Variants in CTNNA2 observed in about 807,000 individuals in gnomAD.
The protein encoded by CTNNA2 is catenin alpha 2.
In CTNNA2, 42 loss-of-function variants were observed where a neutral mutation model predicts 101.0. That is an observed-to-expected ratio of 0.42 (90% CI 0.32 to 0.54). CTNNA2 has a LOEUF of 0.54. Among genes scored for constraint, CTNNA2 ranks in the 20% least tolerant of loss-of-function variants. CTNNA2 has a pLI of 0.14. For missense variants in CTNNA2, 871 were observed against 1,223.1 expected, an observed-to-expected ratio of 0.71 and a Z score of 4.29; for synonymous variants, 450 against 456.4, an observed-to-expected ratio of 0.99 and a Z score of 0.18.
At chr2:79,352,544 T>G (rs1048521434) in intron 3 of CTNNA2, among the ~76,000 whole-genome samples, 1 of 152,190 alleles carries the variant, frequency 6.6e-6, no homozygotes, top group African/African-American at 2.4e-5. Context: ...AACTTTTGTT[T>G]GCATTGTTCT....
intron 2 of CTNNA2, among the ~76,000 whole-genome samples, chr2:79,706,362 C>CAAAA (rs34157774): frequency 3.8e-5 from 3 of 78,004 alleles, no homozygotes; most frequent in Admixed American, 1.5e-4. Context: ...GACTCCGTCT[C>CAAAA]AAAAAAAAAA....
chr2:79,518,096 G>A (rs1303512775), intron 1 of CTNNA2, among the ~76,000 whole-genome samples: 3 of 152,152 alleles, frequency 2.0e-5, no homozygotes, highest in African/African-American at 7.2e-5. Context: ...CTATGTTTTA[G>A]TTGCTTTAAA....
chr2:80,551,179 A>T (rs1312369237), intron 11 of CTNNA2, among the ~76,000 whole-genome samples: 1 of 152,202 alleles, frequency 6.6e-6, no homozygotes, highest in African/African-American at 2.4e-5. Context: ...TTTATTCTGA[A>T]CAGTAGGTTT....
At chr2:79,221,851 T>G (rs1261841518) in intron 2 of CTNNA2, among the ~76,000 whole-genome samples, 1 of 152,178 alleles carries the variant, frequency 6.6e-6, no homozygotes, top group Non-Finnish European at 1.5e-5. Context: ...TGAGAACCTC[T>G]CTACCACCAG....
chr2:79,237,864 C>A (rs115339495), intron 2 of CTNNA2, among the ~76,000 whole-genome samples: 1 of 152,108 alleles, frequency 6.6e-6, no homozygotes, highest in Non-Finnish European at 1.5e-5. Context: ...CTTTGGTTTA[C>A]GGGAATGTTG....
intron 3 of CTNNA2, among the ~76,000 whole-genome samples, chr2:79,346,597 G>A (rs1010896077): frequency 2.6e-5 from 4 of 152,102 alleles, no homozygotes; most frequent in African/African-American, 7.2e-5. Flanking sequence ...CACATCTGTA[G>A]GTCTTCAGCC....
chr2:79,644,202 T>C (rs1425128037), intron 1 of CTNNA2, among the ~76,000 whole-genome samples: 3 of 152,038 alleles, frequency 2.0e-5, no homozygotes, highest in Admixed American at 6.6e-5. Flanking sequence ...CACACCTAGC[T>C]AATTTTTTTG....
chr2:79,867,477 T>G (rs142491995), intron 4 of CTNNA2, among the ~76,000 whole-genome samples: 1 of 152,120 alleles, frequency 6.6e-6, no homozygotes, highest in African/African-American at 2.4e-5. Flanking sequence ...TTCCATTTCC[T>G]TTATTTCTGT....
chr2:80,623,694 G>A (rs1171037788), intron 18 of CTNNA2, among the ~76,000 whole-genome samples: 1 of 151,836 alleles, frequency 6.6e-6, no homozygotes, highest in Non-Finnish European at 1.5e-5. Flanking sequence ...AAAACTTCTT[G>A]AATCAGGAAT....
intron 7 of CTNNA2, among the ~76,000 whole-genome samples, chr2:80,308,592 T>G (rs1206507560): frequency 1.3e-5 from 2 of 152,168 alleles, no homozygotes; most frequent in African/African-American, 4.8e-5. Flanking sequence ...GCCCCAAGGC[T>G]GCTCTCAGGA....
chr2:80,008,134 G>A (rs1693507061), intron 7 of CTNNA2, among the ~76,000 whole-genome samples: 3 of 152,180 alleles, frequency 2.0e-5, no homozygotes. Flanking sequence ...AGGAACAGAT[G>A]GAAAATCTGA....
At chr2:80,293,193 G>C (rs1313079070) in intron 7 of CTNNA2, among the ~76,000 whole-genome samples, 1 of 152,192 alleles carries the variant, frequency 6.6e-6, no homozygotes, top group African/African-American at 2.4e-5. Context: ...GCCTTGGCCA[G>C]CTGAAGACAG....
intron 7 of CTNNA2, among the ~76,000 whole-genome samples, chr2:80,121,604 G>A (rs1573143575): frequency 1.3e-5 from 2 of 152,176 alleles, no homozygotes; most frequent in African/African-American, 2.4e-5. Context: ...AGGAGCTGAT[G>A]TTCAGTGGAG....
chr2:79,798,557 A>T (rs887656474), intron 3 of CTNNA2, among the ~76,000 whole-genome samples: 7 of 137,946 alleles, frequency 5.1e-5, no homozygotes, highest in Non-Finnish European at 9.0e-5. Flanking sequence ...TTATATAATA[A>T]GACTTTTTTT....
At chr2:80,359,606 T>G (rs1327210795) in intron 7 of CTNNA2, among the ~76,000 whole-genome samples, 1 of 152,154 alleles carries the variant, frequency 6.6e-6, no homozygotes, top group African/African-American at 2.4e-5. Flanking sequence ...ATGTGCCTGC[T>G]TCCCCTTCAC....
intron 2 of CTNNA2, among the ~76,000 whole-genome samples, chr2:79,223,372 G>C (rs549256265): frequency 1.3e-5 from 2 of 152,262 alleles, no homozygotes; most frequent in African/African-American, 2.4e-5. Context: ...ATGTTACTTT[G>C]TTATGACATC....
intron 2 of CTNNA2, among the ~76,000 whole-genome samples, chr2:79,262,812 A>C (rs1269952682): frequency 6.6e-6 from 1 of 152,152 alleles, no homozygotes; most frequent in Non-Finnish European, 1.5e-5. Context: ...TCAGCAGGTA[A>C]ATTTAATTTA....
chr2:79,698,238 A>C (rs1684768339), intron 2 of CTNNA2, among the ~76,000 whole-genome samples: 3 of 152,022 alleles, frequency 2.0e-5, no homozygotes, highest in Admixed American at 2.0e-4. Flanking sequence ...AGTACGTTTA[A>C]GTTCTTAATA....
At chr2:79,257,765 A>C (rs2104282076) in intron 2 of CTNNA2, among the ~76,000 whole-genome samples, 1 of 151,930 alleles carries the variant, frequency 6.6e-6, no homozygotes, top group South Asian at 2.1e-4. Flanking sequence ...TGGCTGTTCA[A>C]GTTTCCCAGG....
Sources: allele counts gnomAD v4.1 joint callset (sites outside exome capture counted in the v4.1 genomes callset), GRCh38; gene constraint gnomAD v4.1.1; transcripts MANE v1.5; gene names NCBI Gene and HGNC (gene_info 2026-07-23, HGNC 2026-07-21).